Variants in EYS observed in about 807,000 individuals in gnomAD.
EYS encodes EGF-like photoreceptor maintenance factor, also known as protein eyes shut homolog.
In EYS, 250 loss-of-function variants were observed where a neutral mutation model predicts 282.1. That is an observed-to-expected ratio of 0.89 (90% CI 0.80 to 0.98). The LOEUF (loss-of-function observed/expected upper bound fraction) is 0.98, where lower values mean the gene tolerates loss of function less well. EYS is among the 50% of genes least tolerant of loss of function. The probability of loss-of-function intolerance (pLI) is 0.00; values close to 1 mark genes in which losing one functional copy is unlikely to be tolerated. For synonymous variants in EYS, 1,355 were observed against 1,282.9 expected, an observed-to-expected ratio of 1.06 and a Z score of -1.20; for missense variants, 4,016 against 3,709.0, an observed-to-expected ratio of 1.08 and a Z score of -2.15.
intron 31 of EYS, among the ~76,000 whole-genome samples, chr6:64,207,907 C>T (rs867611155): frequency 6.6e-5 from 10 of 152,158 alleles, no homozygotes; most frequent in African/African-American, 2.4e-4. Context: ...GATCTGCTTG[C>T]CTTGACCTCC....
intron 29 of EYS, among the ~76,000 whole-genome samples, chr6:64,361,390 C>T (rs933881962): frequency 2.0e-5 from 3 of 151,476 alleles, no homozygotes; most frequent in African/African-American, 7.3e-5. Flanking sequence ...TATAGGAATA[C>T]GAATAAGGAA....
intron 12 of EYS, among the ~76,000 whole-genome samples, chr6:65,241,776 C>T (rs1319152831): frequency 6.6e-6 from 1 of 151,944 alleles, no homozygotes; most frequent in Admixed American, 6.6e-5. Context: ...TCTAACCTTG[C>T]TTGGACAGAG....
chr6:65,378,882 CA>C (rs1765500710), intron 8 of EYS, among the ~76,000 whole-genome samples: 1 of 151,654 alleles, frequency 6.6e-6, no homozygotes, highest in Non-Finnish European at 1.5e-5. Context: ...CGGGGCCTGT[CA>C]GGGGGTGGGG....
At chr6:63,811,033 G>A (rs762216694) in intron 36 of EYS, among the ~76,000 whole-genome samples, 2 of 152,046 alleles carry the variant, frequency 1.3e-5, no homozygotes, top group African/African-American at 2.4e-5. Context: ...ATTTGCTCAA[G>A]GGCATCATTT....
chr6:64,179,803 A>G (rs1764738510), intron 31 of EYS, among the ~76,000 whole-genome samples: 1 of 152,102 alleles, frequency 6.6e-6, no homozygotes, highest in South Asian at 2.1e-4. Context: ...GGCATTAAGA[A>G]CAGATGAAAA....
chr6:64,508,003 A>G (rs943752152), intron 26 of EYS, among the ~76,000 whole-genome samples: 1 of 152,198 alleles, frequency 6.6e-6, no homozygotes, highest in Admixed American at 6.5e-5. Flanking sequence ...ATTTTACTGA[A>G]GTTGATGAGA....
intron 36 of EYS, among the ~76,000 whole-genome samples, chr6:63,814,834 A>G (rs1028543599): frequency 2.6e-5 from 4 of 152,178 alleles, no homozygotes; most frequent in African/African-American, 4.8e-5. Context: ...GAGCATGGTA[A>G]AATTTTCACA....
At chr6:64,957,422 A>G (rs1379415763) in intron 14 of EYS, among the ~76,000 whole-genome samples, 2 of 152,000 alleles carry the variant, frequency 1.3e-5, no homozygotes, top group Admixed American at 1.3e-4. Flanking sequence ...TGGTTACCAG[A>G]GGCTGGGAAG....
chr6:64,680,832 G>A lies in EYS; in HGVS notation c.3444-54587C>T, dbSNP rs185331596. On this transcript the variant is annotated intron_variant, in intron 22 of 42. Coordinates refer to ENST00000503581, the MANE Select transcript of EYS (RefSeq NM_001142800.2). ...AGGAGTGACTCAGAGATTTTGCCCCGGGGAAAACACAGTCCATAAAACAGA... is the reference window on the plus strand; with the variant it reads ...AGGAGTGACTCAGAGATTTTGCCCCAGGGAAAACACAGTCCATAAAACAGA... Among the ~76,000 whole-genome samples, 65 of 152,166 alleles carry A rather than the reference G, an allele frequency of 4.3e-4. 1 individual carries two copies. In the East Asian group the frequency reaches 0.011, roughly 27 times the overall value.
intron 26 of EYS, among the ~76,000 whole-genome samples, chr6:64,466,787 T>C (rs1212289094): frequency 6.6e-6 from 1 of 152,176 alleles, no homozygotes; most frequent in Non-Finnish European, 1.5e-5. Context: ...AGATGATGTA[T>C]ATATTGATTG....
intron 7 of EYS, among the ~76,000 whole-genome samples, chr6:65,397,407 A>T (rs1354079055): frequency 6.6e-6 from 1 of 151,882 alleles, no homozygotes; most frequent in East Asian, 1.9e-4. Flanking sequence ...AATATCTATT[A>T]TTTTACCCTG....
intron 35 of EYS, among the ~76,000 whole-genome samples, chr6:63,934,021 A>G (rs1309494034): frequency 2.6e-5 from 4 of 152,230 alleles, no homozygotes; most frequent in African/African-American, 9.6e-5. Context: ...AAGGGCTAAT[A>G]TCCAGAATCT....
At chr6:64,849,863 C>T (rs1181290885) in intron 19 of EYS, among the ~76,000 whole-genome samples, 2 of 150,044 alleles carry the variant, frequency 1.3e-5, no homozygotes, top group African/African-American at 2.4e-5. Flanking sequence ...AAATTTTCTA[C>T]TAAAAAAAGA....
intron 2 of EYS, among the ~76,000 whole-genome samples, chr6:65,518,844 A>G (rs1210442658): frequency 6.6e-6 from 1 of 151,978 alleles, no homozygotes; most frequent in Non-Finnish European, 1.5e-5. Flanking sequence ...ACAACATCAG[A>G]TCTGTGAGAC....
chr6:63,867,200 T>G (rs1013850187), intron 35 of EYS, among the ~76,000 whole-genome samples: 1 of 152,184 alleles, frequency 6.6e-6, no homozygotes, highest in African/African-American at 2.4e-5. Flanking sequence ...GTCACCCTCT[T>G]TTGCTCAGTT....
chr6:65,382,560 C>G (rs1487283128), intron 8 of EYS, among the ~76,000 whole-genome samples: 1 of 147,682 alleles, frequency 6.8e-6, no homozygotes, highest in African/African-American at 2.5e-5. Flanking sequence ...GGGGACAGAA[C>G]TAATAGGATA....
chr6:64,121,202 G>A (rs1181814278), intron 31 of EYS, among the ~76,000 whole-genome samples: 1 of 152,170 alleles, frequency 6.6e-6, no homozygotes, highest in African/African-American at 2.4e-5. Context: ...TAATCATGCG[G>A]ATGAGCAGGC....
chr6:64,478,328 A>G (rs1005495344), intron 26 of EYS, among the ~76,000 whole-genome samples: 4 of 151,870 alleles, frequency 2.6e-5, no homozygotes, highest in Non-Finnish European at 4.4e-5. Flanking sequence ...ATGTCTTTCC[A>G]GCTCAGAAAC....
intron 22 of EYS, among the ~76,000 whole-genome samples, chr6:64,750,362 C>T (rs982368567): frequency 2.0e-5 from 3 of 150,000 alleles, no homozygotes; most frequent in Admixed American, 1.3e-4. Context: ...AAGATAAAAC[C>T]ATGGCTTTGA....
Sources: gnomAD v4.1 joint callset for allele counts (sites outside exome capture counted in the v4.1 genomes callset) on GRCh38, gnomAD v4.1.1 for gene constraint, MANE v1.5 for transcripts, NCBI Gene and HGNC (gene_info 2026-07-23, HGNC 2026-07-21) for gene names.